The following BIN1 variants were observed in gnomAD, a reference collection of about 807,000 sequenced individuals.
BIN1 encodes myc box-dependent-interacting protein 1.
Under a neutral mutation model 82.0 loss-of-function variants are expected in BIN1, and 53 were observed. The ratio of observed to expected loss-of-function variants is 0.65; its 90% confidence interval spans 0.52 to 0.81. BIN1 has a LOEUF of 0.81. BIN1 is among the 40% of genes least tolerant of loss of function. BIN1 has a pLI of 0.00. For synonymous variants in BIN1, 302 were observed against 328.0 expected, an observed-to-expected ratio of 0.92 and a Z score of 0.86; for missense variants, 642 against 784.4, an observed-to-expected ratio of 0.82 and a Z score of 2.17.
chr2:127,054,075 C>G (rs1683323296), intron 12 of BIN1, 63 bp from the exon 13 acceptor site: 2 of 1,389,616 alleles, frequency 1.4e-6, no homozygotes, highest in Non-Finnish European at 2.0e-6. Flanking sequence ...GCCCTCACCC[C>G]AGGCAGACAC....
chr2:127,060,470 C>T (rs1015117619), intron 10 of BIN1: 17 of 1,409,438 alleles, frequency 1.2e-5, no homozygotes, highest in Middle Eastern at 2.2e-4. Context: ...ACAGCCCTGC[C>T]GGGCAGCACT....
chr2:127,091,934 G>C (rs1169036430), intron 1 of BIN1, among the ~76,000 whole-genome samples: 1 of 151,756 alleles, frequency 6.6e-6, no homozygotes, highest in African/African-American at 2.4e-5. Context: ...TGGGTGGGGG[G>C]AATGGAACGG....
At chr2:127,092,672 C>A (rs915007316) in intron 1 of BIN1, among the ~76,000 whole-genome samples, 1 of 152,206 alleles carries the variant, frequency 6.6e-6, no homozygotes, top group African/African-American at 2.4e-5. Context: ...AGGATCCACC[C>A]TGCAGTCCCA....
intron 1 of BIN1, among the ~76,000 whole-genome samples, chr2:127,097,341 C>CCCTCCAGGCCCAGCAGCGTCACT (rs1558882576): frequency 2.0e-5 from 3 of 148,590 alleles, no homozygotes; most frequent in African/African-American, 4.9e-5. Flanking sequence ...GGAGCGTCAC[C>CCCTCCAGGCCCAGCAGCGTCACT]CCTCCAGGCC....
chr2:127,049,491 C>T (rs185842859), intron 18 of BIN1, among the ~76,000 whole-genome samples: 1 of 152,210 alleles, frequency 6.6e-6, no homozygotes, highest in African/African-American at 2.4e-5. Context: ...CCAGTAGGGT[C>T]GGCCTCATCC....
At chr2:127,083,767 G>A (rs986648217) in intron 1 of BIN1, among the ~76,000 whole-genome samples, 1 of 151,634 alleles carries the variant, frequency 6.6e-6, no homozygotes, top group Admixed American at 6.6e-5. Flanking sequence ...TTTTTCTTTC[G>A]TGATACTGGT....
At position 127,065,763 on chromosome 2, in the gene BIN1, C is replaced by A. The variant is rs553207515; in HGVS notation, c.613-1745G>T. On this transcript the variant is annotated intron_variant, in intron 7 of 18. Transcript: ENST00000316724. ...CATCTGCACCCAGCCGTGCTCTCACCGCTCAGCAACGCTGCCGAGAGCAAG... is the reference window on the plus strand; with the variant it reads ...CATCTGCACCCAGCCGTGCTCTCACAGCTCAGCAACGCTGCCGAGAGCAAG... 5.4e-4 allele frequency among the ~76,000 whole-genome samples: 83 copies of A among 152,350 alleles called. No homozygotes were observed. In the South Asian group the frequency reaches 0.016, roughly 30 times the overall value.
rs760610906 is a variant in BIN1, at chr2:127,052,265, C to T, written c.1361G>A (p.Gly454Glu). The T allele has an allele frequency of 3.8e-6, 6 of 1,572,920 alleles. No individual in the cohort carries two copies. In the East Asian group the frequency reaches 7.0e-5, roughly 18 times the overall value. ...VSWPSQTAEP[G>E]PAQPAEASEV... ...GAGGTGGGCACTTACTTGGGCAGGCCCCGGCTCGGCCGTCTGGCTGGGCCA... is the reference window on the plus strand; with the variant it reads ...GAGGTGGGCACTTACTTGGGCAGGCTCCGGCTCGGCCGTCTGGCTGGGCCA... Residue 454 changes from glycine (G) to glutamate (E), a missense_variant, in exon 15 of 19, where the codon GGG becomes GAG. Physicochemically the swap from Gly to Glu is moderately conservative, Grantham distance 98. Coordinates refer to ENST00000316724, the MANE Select transcript of BIN1 (RefSeq NM_139343.3).
At chr2:127,087,944 G>A (rs1210782307) in intron 1 of BIN1, among the ~76,000 whole-genome samples, 1 of 152,208 alleles carries the variant, frequency 6.6e-6, no homozygotes, top group Non-Finnish European at 1.5e-5. Flanking sequence ...GGAGTTTCTA[G>A]AAGGGCTACG....
At chr2:127,084,581 A>G (rs563024546) in intron 1 of BIN1, among the ~76,000 whole-genome samples, 13 of 152,304 alleles carry the variant, frequency 8.5e-5, no homozygotes, top group East Asian at 1.9e-4. Context: ...GCTCTTAGGC[A>G]TTTCAGCGTT....
chr2:127,065,879 GA>G (rs1685104501), intron 7 of BIN1, among the ~76,000 whole-genome samples: 1 of 152,176 alleles, frequency 6.6e-6, no homozygotes, highest in African/African-American at 2.4e-5. Flanking sequence ...GGCTCTTTAG[GA>G]AGCATGTGGA....
chr2:127,094,429 G>C (rs1017260639), intron 1 of BIN1, among the ~76,000 whole-genome samples: 9 of 152,302 alleles, frequency 5.9e-5, no homozygotes, highest in African/African-American at 2.2e-4. Flanking sequence ...CAGCAAACAG[G>C]GTTTGCTGTT....
rs1265477893 is a variant in BIN1, at chr2:127,048,236, G to C, written c.*290C>G. The stretch of plus-strand genomic sequence containing the variant: ...AAGCATGGTGGCTCGGCAGCCCCCA[G>C]CCCCGCCCTGCGGCCAGGCACACAT... On this transcript the variant is annotated 3_prime_UTR_variant, in exon 19 of 19. Transcript: ENST00000316724. 6 of 439,294 alleles carry C rather than the reference G, an allele frequency of 1.4e-5. No individual in the cohort carries two copies. In the East Asian group the frequency reaches 2.8e-4, roughly 21 times the overall value. The allele number at this position is 439,294 out of a possible 1,614,324, so 27.2% of individuals were successfully genotyped here. A position where few individuals can be genotyped will look rare whatever the true frequency, so the allele number is the denominator to read the frequency against.
rs1447881753 is a variant in BIN1 at position 127,087,818 on chromosome 2, CCAGGAGGG to C, written c.85-11120_85-11113del. Among the ~76,000 whole-genome samples the C allele has an allele frequency of 2.6e-5, 4 of 152,296 alleles. No homozygotes were observed. The East Asian group carries it at 7.7e-4, about 29-fold the overall frequency. The stretch of plus-strand genomic sequence containing the variant: ...TATCAGCCACCCCACCACCTTCCAA[CCAGGAGGG>C]CTGGAGGACCCCCTGGATCATGACT... On this transcript the variant is annotated intron_variant, in intron 1 of 18. Coordinates refer to ENST00000316724, the MANE Select transcript of BIN1 (RefSeq NM_139343.3).
At chr2:127,049,973 G>A (rs530918869) in intron 18 of BIN1, among the ~76,000 whole-genome samples, 5 of 152,328 alleles carry the variant, frequency 3.3e-5, no homozygotes, top group Non-Finnish European at 5.9e-5. Context: ...GACGGCACAC[G>A]GGGCTTCATG....
At chr2:127,094,997 C>A (rs557989329) in intron 1 of BIN1, among the ~76,000 whole-genome samples, 1 of 152,182 alleles carries the variant, frequency 6.6e-6, no homozygotes, top group African/African-American at 2.4e-5. Context: ...TCGGGGAAGG[C>A]GGTGACATTC....
At position 127,062,193 on chromosome 2, in the gene BIN1, T is replaced by C. The variant is rs1184217056; in HGVS notation, c.779A>G (p.Asn260Ser). ...ENFHKEMSKL[N>S]QNLNDVLVGL... ...GACCAGCACATCATTGAGGTTCTGG[T>C]TGAGCTGCAGGAGAGACAGTGAGGA... The change falls in exon 10 of 19, where the codon AAC becomes AGC. Residue 260 changes from asparagine (N) to serine (S), a missense_variant. Transcript: ENST00000316724. 7.5e-6 allele frequency: 12 copies of C among 1,606,170 alleles called. No individual in the cohort carries two copies. Among genetic ancestry groups the C allele is most frequent in the African/African-American group, 2.7e-5 (2 of 74,870 alleles).
At chr2:127,103,930 T>G (rs901909829) in intron 1 of BIN1, among the ~76,000 whole-genome samples, 6 of 152,238 alleles carry the variant, frequency 3.9e-5, no homozygotes, top group African/African-American at 1.4e-4. Context: ...CCGGGGGCAG[T>G]GGCCAGGGGG....
rs1011045407 is a variant in BIN1 at position 127,068,420 on chromosome 2, G to A, written c.520-165C>T. Among the ~76,000 whole-genome samples the A allele has an allele frequency of 2.1e-4, 32 of 151,968 alleles. No homozygotes were observed. Among genetic ancestry groups the A allele is most frequent in the African/African-American group, 7.7e-4 (32 of 41,368 alleles). ...CGAGAGAATTAGGGGGAGCCCGGGGGGTAAGGAAAGGGGGTGAACTCCAAC... is the reference window on the plus strand; with the variant it reads ...CGAGAGAATTAGGGGGAGCCCGGGGAGTAAGGAAAGGGGGTGAACTCCAAC... On this transcript the variant is annotated intron_variant, in intron 6 of 18. Coordinates refer to ENST00000316724, the MANE Select transcript of BIN1 (RefSeq NM_139343.3). This position sits in a 1 kb window ranked among gnomAD's most constrained non-coding sequence, Gnocchi z 4.9.
Sources: allele counts gnomAD v4.1 joint callset (sites outside exome capture counted in the v4.1 genomes callset), GRCh38; gene constraint gnomAD v4.1.1; non-coding constraint Gnocchi (gnomAD v3.1); transcripts MANE v1.5; gene names NCBI Gene and HGNC (gene_info 2026-07-23, HGNC 2026-07-21).